FYB2: variants seen among roughly 807,000 people sequenced by gnomAD.
FYB2 encodes the protein FYN binding protein 2, also known as FYN-binding protein 2.
FYB2 carries 103 observed loss-of-function variants against 94.1 expected under a neutral mutation model. That is an observed-to-expected ratio of 1.09 (90% confidence interval 0.93 to 1.29). FYB2 has a LOEUF of 1.29. Ranked by LOEUF, FYB2 falls within the 50% of genes most tolerant of loss-of-function variation. FYB2 has a pLI of 0.00. For synonymous variants in FYB2, 293 were observed against 287.9 expected, an observed-to-expected ratio of 1.02 and a Z score of -0.18; for missense variants, 896 against 841.5, an observed-to-expected ratio of 1.06 and a Z score of -0.80.
intron 14 of FYB2, 33 bp downstream of exon 14, chr1:56,738,592 A>G (rs1644881692): frequency 6.3e-7 from 1 of 1,584,392 alleles, no homozygotes; most frequent in African/African-American, 1.4e-5. Flanking sequence ...AAAGCTGAGT[A>G]CTTTTGGTCT....
In FYB2 at chr1:56,794,262, G is replaced by A. The variant is rs537081855; in HGVS notation, c.10-1459C>T. Among the ~76,000 whole-genome samples the A allele has an allele frequency of 4.1e-4, 62 of 152,258 alleles. 1 individual carries two copies. In the Middle Eastern group the frequency reaches 0.017, roughly 42 times the overall value. ...AGTTGATTGGTGGTCCGGCCAGGTAGGTGTAGGCTTACCTCCTGCTCCATG... is the reference window on the plus strand; with the variant it reads ...AGTTGATTGGTGGTCCGGCCAGGTAAGTGTAGGCTTACCTCCTGCTCCATG... On this transcript the variant is annotated intron_variant, in intron 1 of 19. Transcript: ENST00000343433.
At chr1:56,781,437 T>C (rs1646006751) in intron 4 of FYB2, among the ~76,000 whole-genome samples, 1 of 152,216 alleles carries the variant, frequency 6.6e-6, no homozygotes, top group Non-Finnish European at 1.5e-5. Flanking sequence ...TCATTTTGAC[T>C]ACCCTGTCCG....
intron 1 of FYB2, among the ~76,000 whole-genome samples, chr1:56,813,355 C>T (rs556071405): frequency 6.6e-6 from 1 of 152,288 alleles, no homozygotes; most frequent in East Asian, 1.9e-4. Context: ...AAGGCATGTC[C>T]TACATGGCAG....
intron 1 of FYB2, among the ~76,000 whole-genome samples, chr1:56,801,093 C>G (rs917118885): frequency 6.6e-6 from 1 of 152,088 alleles, no homozygotes; most frequent in Non-Finnish European, 1.5e-5. Context: ...CCCTGACCAC[C>G]CTAACCCTCA....
chr1:56,724,086 T>G (rs1043070904), intron 16 of FYB2, among the ~76,000 whole-genome samples: 3 of 151,870 alleles, frequency 2.0e-5, no homozygotes, highest in Non-Finnish European at 4.4e-5. Context: ...TTTAGGAAAT[T>G]TATAAATGTT....
intron 6 of FYB2, among the ~76,000 whole-genome samples, chr1:56,757,373 T>C (rs978642228): frequency 1.3e-5 from 2 of 152,040 alleles, no homozygotes; most frequent in Non-Finnish European, 2.9e-5. Flanking sequence ...AACAGAGAGA[T>C]GAAGGATCTA....
chr1:56,809,015 A>G (rs1011323478), intron 1 of FYB2, among the ~76,000 whole-genome samples: 23 of 152,234 alleles, frequency 1.5e-4, no homozygotes, highest in African/African-American at 5.3e-4. Context: ...ACATATATAG[A>G]TATAAATATA....
At chr1:56,785,971 A>G (rs940482846) in intron 4 of FYB2, among the ~76,000 whole-genome samples, 1 of 152,232 alleles carries the variant, frequency 6.6e-6, no homozygotes, top group African/African-American at 2.4e-5. Context: ...GCAACACAGT[A>G]AAGGCTTGAA....
chr1:56,804,865 G>C (rs1646605863), intron 1 of FYB2, among the ~76,000 whole-genome samples: 1 of 152,022 alleles, frequency 6.6e-6, no homozygotes, highest in Non-Finnish European at 1.5e-5. Flanking sequence ...AACACATAAG[G>C]TCTTCTCTGA....
At chr1:56,776,641 C>A (rs1443392575) in intron 4 of FYB2, among the ~76,000 whole-genome samples, 4 of 152,110 alleles carry the variant, frequency 2.6e-5, no homozygotes, top group South Asian at 4.1e-4. Context: ...AGAGTGTCTT[C>A]TTTGAGGTGC....
chr1:56,740,852 A>C, intron 12 of FYB2, 57 bp from the exon 13 acceptor site: 1 of 1,183,100 alleles, frequency 8.5e-7, no homozygotes, highest in Non-Finnish European at 1.2e-6. Flanking sequence ...CTAGAGATAG[A>C]AGGCTGTTGT....
chr1:56,764,409 A>ATT (rs56753584), intron 5 of FYB2, among the ~76,000 whole-genome samples: 50 of 145,516 alleles, frequency 3.4e-4, no homozygotes, highest in African/African-American at 9.4e-4. Context: ...AGCTCTTTTC[A>ATT]TTTTTTTTTT....
intron 9 of FYB2, among the ~76,000 whole-genome samples, chr1:56,747,191 G>T (rs933938415): frequency 2.6e-5 from 4 of 151,298 alleles, no homozygotes; most frequent in African/African-American, 4.9e-5. Context: ...ATACATAAAC[G>T]GTATATGTAA....
chr1:56,721,767 A>C (rs548258036), intron 17 of FYB2, among the ~76,000 whole-genome samples: 23 of 152,210 alleles, frequency 1.5e-4, no homozygotes, highest in South Asian at 1.2e-3. Flanking sequence ...TCTCTTAACC[A>C]CTTCACATGA....
chr1:56,732,512 C>T (rs1644733445), intron 15 of FYB2, among the ~76,000 whole-genome samples: 1 of 152,062 alleles, frequency 6.6e-6, no homozygotes. Flanking sequence ...CAAAAGACCC[C>T]AAGTAGCTGA....
intron 17 of FYB2, among the ~76,000 whole-genome samples, chr1:56,721,276 T>C (rs1644480179): frequency 6.6e-6 from 1 of 152,078 alleles, no homozygotes; most frequent in Non-Finnish European, 1.5e-5. Flanking sequence ...CTTCTCCAAA[T>C]TAGTGTGACC....
chr1:56,786,014 T>C (rs1055796242), intron 4 of FYB2, among the ~76,000 whole-genome samples: 1 of 152,168 alleles, frequency 6.6e-6, no homozygotes, highest in Non-Finnish European at 1.5e-5. Context: ...GTCTTGCTTG[T>C]TAGCAGCGAC....
At chr1:56,762,893 T>C (rs1398126408) in intron 5 of FYB2, among the ~76,000 whole-genome samples, 1 of 152,202 alleles carries the variant, frequency 6.6e-6, no homozygotes, top group African/African-American at 2.4e-5. Context: ...ATGTTCTTAA[T>C]CAAGTTGAGG....
chr1:56,821,239 C>G (rs1004766748), upstream of FYB2, among the ~76,000 whole-genome samples: 1 of 152,156 alleles, frequency 6.6e-6, no homozygotes, highest in Non-Finnish European at 1.5e-5. Flanking sequence ...CTCAGGCCAG[C>G]CTACACTGGC....
Sources: gnomAD v4.1 joint callset for allele counts (sites outside exome capture counted in the v4.1 genomes callset) on GRCh38, gnomAD v4.1.1 for gene constraint, MANE v1.5 for transcripts, NCBI Gene and HGNC (gene_info 2026-07-23, HGNC 2026-07-21) for gene names.